The following RAP1GAP2 variants were observed in gnomAD, a reference collection of about 807,000 sequenced individuals.
The protein encoded by RAP1GAP2 is rap1 GTPase-activating protein 2.
In RAP1GAP2, 27 loss-of-function variants were observed where a neutral mutation model predicts 95.0. The ratio of observed to expected loss-of-function variants is 0.28; its 90% CI spans 0.21 to 0.39. RAP1GAP2 has a LOEUF of 0.39. RAP1GAP2 is among the 10% of genes least tolerant of loss of function. RAP1GAP2 has a pLI of 1.00. For missense variants in RAP1GAP2, 771 were observed against 970.0 expected, an observed-to-expected ratio of 0.79 and a Z score of 2.72; for synonymous variants, 373 against 380.9, an observed-to-expected ratio of 0.98 and a Z score of 0.24.
chr17:2,921,666 T>C (rs1597615043), intron 3 of RAP1GAP2, among the ~76,000 whole-genome samples: 1 of 151,420 alleles, frequency 6.6e-6, no homozygotes, highest in South Asian at 2.1e-4. Context: ...TCAGGGCCGT[T>C]AAGGTGTCAG....
At chr17:2,992,400 T>G (rs944579405) in intron 12 of RAP1GAP2, among the ~76,000 whole-genome samples, 1 of 152,036 alleles carries the variant, frequency 6.6e-6, no homozygotes, top group African/African-American at 2.4e-5. Flanking sequence ...GACCTCATGA[T>G]CCGCCCGTCT....
rs34468461 is a variant in RAP1GAP2 at position 2,969,496 on chromosome 17, C to CTTTTTTTTT, written c.596+3868_596+3876dup. 7.9e-4 allele frequency among the ~76,000 whole-genome samples: 66 copies of CTTTTTTTTT among 83,770 alleles called. 1 individual carries two copies. The highest frequency in any genetic ancestry group is 1.2e-3 in the East Asian group (3 of 2,402). The allele number at this position is 83,770 out of a possible 152,430, so 55.0% of individuals were successfully genotyped here. A position where few individuals can be genotyped will look rare whatever the true frequency, so the allele number is the denominator to read the frequency against. On this transcript the variant is annotated intron_variant, in intron 8 of 24. Transcript: ENST00000254695. ...GTAAAGATGTGTAAATATATATATT[C>CTTTTTTTTT]TTTTTTTTTTTTTTTTTTTTTTTGA... is the stretch of plus-strand genomic sequence containing the variant.
intron 2 of RAP1GAP2, among the ~76,000 whole-genome samples, chr17:2,876,228 C>T (rs948527636): frequency 1.3e-5 from 2 of 152,192 alleles, no homozygotes; most frequent in East Asian, 1.9e-4. Flanking sequence ...TGAGCCACCG[C>T]GCCTGGCTAC....
intron 20 of RAP1GAP2, 57 bp from the exon 21 acceptor site, chr17:3,026,293 G>T: frequency 6.9e-6 from 10 of 1,448,462 alleles, no homozygotes; most frequent in Non-Finnish European, 9.5e-6. Flanking sequence ...GGAGGACCCT[G>T]GGGGTGGAGG....
At chr17:2,980,773 C>G (rs572525684) in intron 9 of RAP1GAP2, among the ~76,000 whole-genome samples, 58 of 152,104 alleles carry the variant, frequency 3.8e-4, no homozygotes, top group Non-Finnish European at 5.6e-4. Flanking sequence ...GAAGGATGAT[C>G]CAGATTGAGC....
rs563562358 is a variant in RAP1GAP2 at position 2,857,386 on chromosome 17, A to G, written c.81-47898A>G. Among the ~76,000 whole-genome samples, 1 of 152,320 alleles carries G rather than the reference A, an allele frequency of 6.6e-6. No homozygotes were observed. The highest frequency in any genetic ancestry group is 6.5e-5 in the Admixed American group (1 of 15,296). On this transcript the variant is annotated intron_variant, in intron 2 of 24. Coordinates refer to ENST00000254695, the MANE Select transcript of RAP1GAP2 (RefSeq NM_015085.5). The surrounding 1 kb of genome is among the most constrained non-coding windows in gnomAD (Gnocchi z 4.0). ...GGTAGTCATGAGACAGATGTCCCAT[A>G]TAGTCCCAGAACTAGGAGACTCCCA...
chr17:3,006,503 G>A (rs1347446445), intron 16 of RAP1GAP2, among the ~76,000 whole-genome samples: 2 of 147,640 alleles, frequency 1.4e-5, no homozygotes, highest in Non-Finnish European at 3.0e-5. Flanking sequence ...GCCCGATCTT[G>A]GCTCACTGCA....
rs187662615 is a variant in RAP1GAP2, at chr17:2,881,193, A to G, written c.81-24091A>G. Among the ~76,000 whole-genome samples the G allele has an allele frequency of 2.2e-3, 337 of 151,968 alleles. 2 individuals are homozygous for G. Among genetic ancestry groups the G allele is most frequent in the African/African-American group, 7.7e-3 (321 of 41,438 alleles). On this transcript the variant is annotated intron_variant, in intron 2 of 24. Coordinates refer to ENST00000254695, the MANE Select transcript of RAP1GAP2 (RefSeq NM_015085.5). ...GGAGGATTGCTTGAACCTGGGAGGC[A>G]GAGGCTGGAGTGAGCCGAGATCGTG...
chr17:2,807,322 A>T (rs576238747), intron 2 of RAP1GAP2, among the ~76,000 whole-genome samples: 2 of 152,266 alleles, frequency 1.3e-5, no homozygotes, highest in Admixed American at 1.3e-4. Flanking sequence ...AGGCACCACT[A>T]CGATGTTCTA....
In RAP1GAP2 at chr17:2,962,014, C is replaced by T. The variant is rs1366888393; in HGVS notation, c.202-656C>T. Among the ~76,000 whole-genome samples the T allele has an allele frequency of 2.6e-5, 4 of 151,702 alleles. No individual in the cohort carries two copies. The South Asian group carries it at 6.2e-4, about 24-fold the overall frequency. ...GCCTCCCGGGTTCAAGCAATTCTAC[C>T]GCCTCAGCCTCCTGAGTAGCTGGGA... is the stretch of plus-strand genomic sequence containing the variant. On this transcript the variant is annotated intron_variant, in intron 4 of 24. Transcript: ENST00000254695.
rs891680350 is a variant in RAP1GAP2, at chr17:2,870,937, C to T, written c.81-34347C>T. The stretch of plus-strand genomic sequence containing the variant: ...TGGTTGTAGATCCTTGTGGGCTAAA[C>T]GTTTCATTTTATTTTATTATTACTA... On this transcript the variant is annotated intron_variant, in intron 2 of 24. Coordinates refer to ENST00000254695, the MANE Select transcript of RAP1GAP2 (RefSeq NM_015085.5). The surrounding 1 kb of genome is among the most constrained non-coding windows in gnomAD (Gnocchi z 4.4). 2.6e-5 allele frequency among the ~76,000 whole-genome samples: 4 copies of T among 151,998 alleles called. No individual in the cohort carries two copies. Among genetic ancestry groups the T allele is most frequent in the African/African-American group, 7.2e-5 (3 of 41,384 alleles).
intron 2 of RAP1GAP2, among the ~76,000 whole-genome samples, chr17:2,771,298 T>C (rs1027893981): frequency 1.3e-5 from 2 of 151,868 alleles, no homozygotes; most frequent in African/African-American, 4.8e-5. Context: ...TGAGGGCTTT[T>C]TCTGACCCAG....
rs1319583665 is a variant in RAP1GAP2 at position 2,965,429 on chromosome 17, C to G, written c.493-111C>G. Reference sequence around the variant, plus strand: ...CGTTGTCATTGTCATCAGTAGCATCCTTCTCTTCCTTGTTGCTGTGGGGCT... The same window carrying G: ...CGTTGTCATTGTCATCAGTAGCATCGTTCTCTTCCTTGTTGCTGTGGGGCT... On this transcript the variant is annotated intron_variant, in intron 7 of 24. Coordinates refer to ENST00000254695, the MANE Select transcript of RAP1GAP2 (RefSeq NM_015085.5). The surrounding 1 kb of genome is among the most constrained non-coding windows in gnomAD (Gnocchi z 4.7). 7 of 792,948 alleles carry G rather than the reference C, an allele frequency of 8.8e-6. No individual in the cohort carries two copies. The East Asian group carries it at 1.9e-4, about 21-fold the overall frequency. 49.1% of individuals were successfully genotyped at this position (792,948 alleles called of 1,614,324 possible). A position where few individuals can be genotyped will look rare whatever the true frequency, so the allele number is the denominator to read the frequency against.
In RAP1GAP2 at chr17:3,003,470, C is replaced by T. The variant is rs2046233249; in HGVS notation, c.1201-1899C>T. 6.6e-6 allele frequency among the ~76,000 whole-genome samples: 1 copy of T among 151,978 alleles called. No homozygotes were observed. The highest frequency in any genetic ancestry group is 1.5e-5 in the Non-Finnish European group (1 of 67,968). On this transcript the variant is annotated intron_variant, in intron 14 of 24. Transcript: ENST00000254695. The surrounding 1 kb of genome is among the most constrained non-coding windows in gnomAD (Gnocchi z 4.1). Reference sequence around the variant, plus strand: ...GAGGGCCCTGTCTTTGTAGCCCCCTCCCCGTTTCCCGTCACGACTTGTCTG... The same window carrying T: ...GAGGGCCCTGTCTTTGTAGCCCCCTTCCCGTTTCCCGTCACGACTTGTCTG...
intron 3 of RAP1GAP2, among the ~76,000 whole-genome samples, chr17:2,909,259 G>A (rs2042293493): frequency 6.6e-6 from 1 of 152,188 alleles, no homozygotes; most frequent in Non-Finnish European, 1.5e-5. Context: ...GGGACCGGCA[G>A]CAGTGCCAGC....
At chr17:2,988,191 C>G (rs1255505050) in intron 11 of RAP1GAP2, among the ~76,000 whole-genome samples, 2 of 147,612 alleles carry the variant, frequency 1.4e-5, no homozygotes, top group African/African-American at 2.6e-5. Context: ...GCTGGAGCAA[C>G]GAGCGAAACT....
At chr17:2,992,391 A>C (rs980503953) in intron 12 of RAP1GAP2, among the ~76,000 whole-genome samples, 6 of 151,054 alleles carry the variant, frequency 4.0e-5, no homozygotes, top group Non-Finnish European at 8.9e-5. Flanking sequence ...CGATCTCCTG[A>C]CCTCATGATC....
chr17:2,787,783 G>A (rs888206609), intron 1 of RAP1GAP2, among the ~76,000 whole-genome samples: 7 of 151,940 alleles, frequency 4.6e-5, no homozygotes, highest in African/African-American at 1.7e-4. Context: ...TGGCCAGGAT[G>A]GTTTCAATCT....
chr17:2,958,653 C>T (rs1004307749), intron 4 of RAP1GAP2, among the ~76,000 whole-genome samples: 8 of 152,110 alleles, frequency 5.3e-5, no homozygotes, highest in African/African-American at 1.4e-4. Context: ...TCAAAGGGTG[C>T]GTGGCTCATA....
Sources: gnomAD v4.1 joint callset for allele counts (sites outside exome capture counted in the v4.1 genomes callset) on GRCh38, gnomAD v4.1.1 for gene constraint, Gnocchi (gnomAD v3.1) non-coding constraint, MANE v1.5 for transcripts, NCBI Gene and HGNC (gene_info 2026-07-23, HGNC 2026-07-21) for gene names.